The following SDAD1 variants were observed in gnomAD, a reference collection of about 807,000 sequenced individuals.
The protein encoded by SDAD1 is protein SDA1 homolog.
A neutral mutation model predicts 100.3 loss-of-function variants in SDAD1; 79 were observed. The observed-to-expected ratio is 0.79, with a 90% CI of 0.66 to 0.95. The LOEUF is 0.95. Among genes scored for constraint, SDAD1 ranks in the 40% least tolerant of loss-of-function variants. The pLI is 0.00. For missense variants in SDAD1, 790 were observed against 810.9 expected (o/e 0.97, Z 0.31); for synonymous variants, 267 against 271.4 (o/e 0.98, Z 0.16).
At chr4:75,952,574 AGCCAG>A (rs1277828445) in intron 21 of SDAD1, among the ~76,000 whole-genome samples, 1 of 152,216 alleles carries the variant, frequency 6.6e-6, no homozygotes, top group African/African-American at 2.4e-5. Flanking sequence ...TACACTTTCA[AGCCAG>A]GTAAGATTCC....
intron 21 of SDAD1, among the ~76,000 whole-genome samples, chr4:75,954,761 C>T (rs1412061642): frequency 3.3e-5 from 5 of 152,228 alleles, no homozygotes; most frequent in South Asian, 2.1e-4. Context: ...TATGAACGGA[C>T]GTGCAGTCAG....
chr4:75,967,813 G>A (rs1729633013), intron 11 of SDAD1, among the ~76,000 whole-genome samples: 1 of 152,194 alleles, frequency 6.6e-6, no homozygotes. Flanking sequence ...CAACCACGTG[G>A]AAGGAGTTGG....
At chr4:75,957,496 T>C (rs778172744) in intron 19 of SDAD1, 22 bp downstream of exon 19, 9 of 1,613,136 alleles carry the variant, frequency 5.6e-6, no homozygotes, top group African/African-American at 2.7e-5. Context: ...ACTGAAGTAC[T>C]AAAGTGGATG....
At chr4:75,967,508 A>C (rs1451083498) in intron 11 of SDAD1, among the ~76,000 whole-genome samples, 174 bp from the exon 12 acceptor site, 1 of 152,248 alleles carries the variant, frequency 6.6e-6, no homozygotes, top group Non-Finnish European at 1.5e-5. Context: ...AAGGCTAGGA[A>C]TTCTCTCAAA....
intron 17 of SDAD1, 56 bp downstream of exon 17, chr4:75,960,010 C>T (rs1018832513): frequency 2.6e-5 from 40 of 1,554,862 alleles, no homozygotes; most frequent in Non-Finnish European, 3.5e-5. Context: ...ATTTAAAGGT[C>T]TGCACAGATA....
intron 4 of SDAD1, 60 bp from the exon 5 acceptor site, chr4:75,976,055 A>T (rs1730143883): frequency 1.9e-6 from 2 of 1,074,716 alleles, no homozygotes; most frequent in Admixed American, 3.9e-5. Context: ...AACCTTGCTA[A>T]ATTTGGAGAA....
intron 5 of SDAD1, 24 bp from the exon 6 acceptor site, chr4:75,975,868 G>A: frequency 1.2e-6 from 2 of 1,605,602 alleles, no homozygotes; most frequent in Non-Finnish European, 1.7e-6. Flanking sequence ...GGAGAAAGAA[G>A]ACTTAATGCA....
At chr4:75,964,407 C>T (rs1167980390) in intron 13 of SDAD1, among the ~76,000 whole-genome samples, 196 bp from the exon 14 acceptor site, 1 of 152,204 alleles carries the variant, frequency 6.6e-6, no homozygotes, top group Non-Finnish European at 1.5e-5. Flanking sequence ...TCTTGGCTAT[C>T]CTCAGACTAA....
chr4:75,959,742 G>T (rs1402680248), intron 17 of SDAD1, among the ~76,000 whole-genome samples: 1 of 152,198 alleles, frequency 6.6e-6, no homozygotes, highest in Non-Finnish European at 1.5e-5. Context: ...AATTTTGGGG[G>T]ATTCCTCTAA....
intron 1 of SDAD1, 99 bp downstream of exon 1, chr4:75,990,653 G>A: frequency 6.2e-7 from 1 of 1,602,274 alleles, no homozygotes; most frequent in Non-Finnish European, 8.5e-7. Context: ...AGAAGAATAG[G>A]CGGCGAGCCT....
chr4:75,957,272 T>C lies in SDAD1; in HGVS notation c.1854+53A>G, dbSNP rs1578114183. Reference sequence around the variant, plus strand: ...GTGGCTATACAAGTTCTGGCTTATGTTTCATTTTATTTGCTTTCTGTTTAA... The same window carrying C: ...GTGGCTATACAAGTTCTGGCTTATGCTTCATTTTATTTGCTTTCTGTTTAA... On this transcript the variant is annotated intron_variant, in intron 20 of 21. Transcript: ENST00000356260. 12 of 1,487,200 alleles carry C rather than the reference T, an allele frequency of 8.1e-6. No individual in the cohort carries two copies. In the East Asian group the frequency reaches 2.7e-4, roughly 34 times the overall value. The allele number at this position is 1,487,200 out of a possible 1,614,324, so 92.1% of individuals were successfully genotyped here.
Position 75,990,909 on chromosome 4 carries a change from C to T in SDAD1, c.-68G>A, listed in dbSNP as rs371730684. The T allele has an allele frequency of 3.3e-4, 521 of 1,591,106 alleles. No individual in the cohort carries two copies. The African/African-American group carries it at 6.0e-3, about 18-fold the overall frequency. On this transcript the variant is annotated 5_prime_UTR_variant, in exon 1 of 22. Coordinates refer to ENST00000356260, the MANE Select transcript of SDAD1 (RefSeq NM_018115.4). ...CTCAGACGGCCGGCACCCCGCAATC[C>T]CTGCCAGCTGCAGCTTGGACTCGTG...
At position 75,961,081 on chromosome 4, in the gene SDAD1, A is replaced by C. The variant is rs567329224; in HGVS notation, c.1303T>G (p.Leu435Val). The change falls in exon 16 of 22, where the codon TTG (leucine) becomes GTG (valine). Residue 435 changes from leucine (L) to valine (V), a missense_variant. Coordinates refer to ENST00000356260, the MANE Select transcript of SDAD1 (RefSeq NM_018115.4). The stretch of plus-strand genomic sequence containing the variant: ...TTCAGTGTTCGGAAGAGGTGAATCA[A>C]AGTTCTAGCAGACATCATTACATCT... ...DKNVMMSART[L>V]IHLFRTLNPQ... The C allele has an allele frequency of 1.8e-5, 29 of 1,614,062 alleles. No homozygotes were observed. The highest frequency in any genetic ancestry group is 2.5e-5 in the Non-Finnish European group (29 of 1,180,004).
chr4:75,975,633 A>AT, intron 6 of SDAD1, 111 bp downstream of exon 6: 1 of 665,864 alleles, frequency 1.5e-6, no homozygotes, highest in Non-Finnish European at 2.6e-6. Context: ...AATCTATGAC[A>AT]TAAGTATATT....
At chr4:75,955,923 G>A in intron 21 of SDAD1, 52 bp downstream of exon 21, 2 of 1,541,844 alleles carry the variant, frequency 1.3e-6, no homozygotes, top group Non-Finnish European at 1.7e-6. Flanking sequence ...ATGTAAAGCT[G>A]TCTTGGAATT....
intron 1 of SDAD1, among the ~76,000 whole-genome samples, chr4:75,987,555 G>A (rs945570730): frequency 6.6e-5 from 10 of 151,944 alleles, no homozygotes; most frequent in Non-Finnish European, 1.5e-4. Context: ...AGGCTAGGGT[G>A]CAGTGGCGCG....
chr4:75,982,101 C>A, intron 1 of SDAD1, 64 bp from the exon 2 acceptor site: 3 of 931,516 alleles, frequency 3.2e-6, no homozygotes, highest in South Asian at 1.6e-5. Flanking sequence ...TACAGACATT[C>A]AGTAGAGAAA....
intron 17 of SDAD1, 122 bp downstream of exon 17, chr4:75,959,944 G>T: frequency 9.8e-7 from 1 of 1,025,110 alleles, no homozygotes. Flanking sequence ...AACAGTGCGT[G>T]GCACATAGTC....
Position 75,957,693 on chromosome 4 carries a change from T to G in SDAD1, c.1594A>C (p.Ser532Arg). ...GCCTTCCGCTCCTCCATGGGCATGC[T>G]GTTCAGCTTCTTGGACTTGAAACCA... Reference protein sequence around the residue: ...EQQEISKKLNSMPMEERKAKA... With the variant: ...EQQEISKKLNRMPMEERKAKA... The change falls in exon 19 of 22, where the codon AGC (serine) becomes CGC (arginine). Residue 532 changes from serine (S) to arginine (R), a missense_variant. Physicochemically the swap from Ser to Arg is moderately radical, Grantham distance 110 (BLOSUM62 -1). Coordinates refer to ENST00000356260, the MANE Select transcript of SDAD1 (RefSeq NM_018115.4). 2 of 1,614,224 alleles carry G rather than the reference T, an allele frequency of 1.2e-6. No homozygotes were observed. The highest frequency in any genetic ancestry group is 1.7e-6 in the Non-Finnish European group (2 of 1,180,022).
Sources: allele counts gnomAD v4.1 joint callset (sites outside exome capture counted in the v4.1 genomes callset), GRCh38; gene constraint gnomAD v4.1.1; transcripts MANE v1.5; gene names NCBI Gene and HGNC (gene_info 2026-07-23, HGNC 2026-07-21).